Variants in TSPEAR observed in about 807,000 individuals in gnomAD.
The protein encoded by TSPEAR is thrombospondin-type laminin G domain and EAR repeat-containing protein.
A neutral mutation model predicts 71.6 loss-of-function variants in TSPEAR; 69 were observed. That is an observed-to-expected ratio of 0.96 (90% CI 0.79 to 1.18). The LOEUF (loss-of-function observed/expected upper bound fraction) is 1.18, where lower values mean the gene tolerates loss of function less well. Among genes scored for constraint, TSPEAR ranks in the 50% most tolerant of loss-of-function variants. The pLI is 0.00. For synonymous variants in TSPEAR, 402 were observed against 387.2 expected (o/e 1.04, Z -0.45); for missense variants, 971 against 894.9 (o/e 1.09, Z -1.09).
chr21:44,517,297 C>T (rs587700919), intron 9 of TSPEAR: 1 of 158,036 alleles, frequency 6.3e-6, no homozygotes, highest in African/African-American at 2.4e-5. Flanking sequence ...CTGGGCTTGC[C>T]AGTGCACCCC....
chr21:44,575,877 G>C (rs936860918), intron 1 of TSPEAR, among the ~76,000 whole-genome samples: 1 of 151,904 alleles, frequency 6.6e-6, no homozygotes, highest in Non-Finnish European at 1.5e-5. Flanking sequence ...TCGACCCTCC[G>C]GCCTCTCTAA....
At chr21:44,528,937 G>C (rs73379231) in intron 5 of TSPEAR, among the ~76,000 whole-genome samples, 15,851 of 152,256 alleles carry the variant, frequency 0.1, 2,640 homozygotes, top group African/African-American at 0.35. Context: ...CCTGTTGACA[G>C]TGGTGTATCT....
At chr21:44,579,409 T>C in intron 1 of TSPEAR, 1 of 391,142 alleles carries the variant, frequency 2.6e-6, no homozygotes, top group Non-Finnish European at 4.7e-6. Flanking sequence ...GAGACCAATC[T>C]GAGCTCAAAA....
In TSPEAR at chr21:44,631,141, C is replaced by A. The variant is rs147505455; in HGVS notation, c.83-63136G>T. Among the ~76,000 whole-genome samples the A allele has an allele frequency of 2.5e-3, 378 of 151,370 alleles. 2 individuals carry two copies. Among genetic ancestry groups the A allele is most frequent in the African/African-American group, 8.5e-3 (351 of 41,396 alleles). On this transcript the variant is annotated intron_variant, in intron 1 of 11. Coordinates refer to ENST00000323084, the MANE Select transcript of TSPEAR (RefSeq NM_144991.3). ...GAAGCCCAGGATTGAATTTACTCGA[C>A]AAAGTCTTTCCATTAACTCTTTTAA...
rs587598975 is a variant in TSPEAR, at chr21:44,574,967, C to G, written c.83-6962G>C. The G allele has an allele frequency of 4.2e-5, 67 of 1,612,444 alleles. No individual in the cohort carries two copies. The East Asian group carries it at 1.4e-3, about 33-fold the overall frequency. Reference sequence around the variant, plus strand: ...CCTCCTGCGTGTCCCTCCTCTGACGCCCCGTGTGCTCCCGCCCAGCCTGCT... The same window carrying G: ...CCTCCTGCGTGTCCCTCCTCTGACGGCCCGTGTGCTCCCGCCCAGCCTGCT... On this transcript the variant is annotated intron_variant, in intron 1 of 11. Coordinates refer to ENST00000323084, the MANE Select transcript of TSPEAR (RefSeq NM_144991.3).
intron 2 of TSPEAR, among the ~76,000 whole-genome samples, chr21:44,554,618 T>G (rs1376295075): frequency 6.6e-6 from 1 of 152,240 alleles, no homozygotes; most frequent in Non-Finnish European, 1.5e-5. Flanking sequence ...AGTGATAATA[T>G]TCTAATACTT....
chr21:44,531,765 T>C (rs2052977771), intron 3 of TSPEAR, among the ~76,000 whole-genome samples: 1 of 152,120 alleles, frequency 6.6e-6, no homozygotes, highest in African/African-American at 2.4e-5. Context: ...ACAGATGGCT[T>C]CAGGACAGGA....
intron 2 of TSPEAR, among the ~76,000 whole-genome samples, chr21:44,547,688 T>C (rs587755186): frequency 6.6e-6 from 1 of 152,378 alleles, no homozygotes; most frequent in East Asian, 1.9e-4. Context: ...ATTGTTTTTC[T>C]TCAGGGTTTG....
chr21:44,550,710 C>T, intron 2 of TSPEAR: 1 of 1,613,866 alleles, frequency 6.2e-7, no homozygotes, highest in African/African-American at 1.3e-5. Context: ...AGACTTTTGG[C>T]CTGAGGAAAA....
rs369113881 is a variant in TSPEAR at position 44,666,661 on chromosome 21, C to G, written c.82+44772G>C. On this transcript the variant is annotated intron_variant, in intron 1 of 11. Transcript: ENST00000323084. ...ACAGAAGACTGGCAGCTCACGGGCA[C>G]GCACACAGCTGACTTGAAGCTCATG... The G allele has an allele frequency of 2.0e-5, 32 of 1,612,838 alleles. No homozygotes were observed. Among genetic ancestry groups the G allele is most frequent in the South Asian group, 1.3e-4 (12 of 91,028 alleles).
At chr21:44,670,671 G>T (rs1555945734) in intron 1 of TSPEAR, among the ~76,000 whole-genome samples, 1 of 152,138 alleles carries the variant, frequency 6.6e-6, no homozygotes, top group Non-Finnish European at 1.5e-5. Context: ...ATAGGGATTT[G>T]CCAGGATGCC....
intron 9 of TSPEAR, chr21:44,517,756 C>T (rs1555913651): frequency 2.1e-6 from 1 of 471,182 alleles, no homozygotes; most frequent in South Asian, 1.5e-5. Flanking sequence ...GCCTTCAGAA[C>T]ACTGAGCCCT....
chr21:44,702,467 G>T, intron 1 of TSPEAR: 2 of 1,609,204 alleles, frequency 1.2e-6, no homozygotes, highest in Admixed American at 1.7e-5. Context: ...CAGCAGTCCT[G>T]CTGTGTGCCC....
intron 1 of TSPEAR, among the ~76,000 whole-genome samples, chr21:44,611,761 G>T (rs1019986329): frequency 6.6e-6 from 1 of 152,108 alleles, no homozygotes; most frequent in Non-Finnish European, 1.5e-5. Context: ...GAGGAAAGTG[G>T]GGCTGGGTTT....
intron 1 of TSPEAR, chr21:44,580,447 C>T (rs1978875345): frequency 6.2e-7 from 1 of 1,612,982 alleles, no homozygotes; most frequent in Non-Finnish European, 8.5e-7. Context: ...ACACACAGCT[C>T]ACTGGGGTGC....
At chr21:44,624,793 G>A (rs1555934035) in intron 1 of TSPEAR, among the ~76,000 whole-genome samples, 2 of 152,220 alleles carry the variant, frequency 1.3e-5, no homozygotes, top group African/African-American at 4.8e-5. Context: ...CCTCATGGCT[G>A]TAGTCTGTGA....
chr21:44,572,038 C>T (rs957074933), intron 1 of TSPEAR, among the ~76,000 whole-genome samples: 11 of 152,192 alleles, frequency 7.2e-5, no homozygotes, highest in South Asian at 2.1e-4. Flanking sequence ...CAGAGGGAAA[C>T]GGCGGCACCG....
intron 1 of TSPEAR, among the ~76,000 whole-genome samples, chr21:44,698,730 G>C (rs1456769960): frequency 6.6e-6 from 1 of 152,194 alleles, no homozygotes; most frequent in Admixed American, 6.5e-5. Context: ...AAGCGTCCAG[G>C]CTCAGCTGCC....
intron 1 of TSPEAR, among the ~76,000 whole-genome samples, chr21:44,691,882 C>G (rs1987136816): frequency 6.6e-6 from 1 of 152,078 alleles, no homozygotes; most frequent in Non-Finnish European, 1.5e-5. Context: ...ATGCTGATAC[C>G]AAACCCACAT....
Sources: allele counts gnomAD v4.1 joint callset (sites outside exome capture counted in the v4.1 genomes callset), GRCh38; gene constraint gnomAD v4.1.1; transcripts MANE v1.5; gene names NCBI Gene and HGNC (gene_info 2026-07-23, HGNC 2026-07-21).